UGGT1: variants seen among roughly 807,000 people sequenced by gnomAD.
The protein encoded by UGGT1 is UDP-glucose:glycoprotein glucosyltransferase 1.
UGGT1 carries 107 observed loss-of-function variants against 203.9 expected under a neutral mutation model. The ratio of observed to expected loss-of-function variants is 0.52; its 90% CI spans 0.45 to 0.62. UGGT1 has a LOEUF of 0.62. Ranked by LOEUF, UGGT1 falls within the 20% of genes least tolerant of loss-of-function variation. UGGT1 has a pLI of 0.00. For synonymous variants in UGGT1, 628 were observed against 653.5 expected (o/e 0.96, Z 0.59); for missense variants, 1,673 against 1,867.2 (o/e 0.90, Z 1.92).
intron 38 of UGGT1, among the ~76,000 whole-genome samples, chr2:128,184,709 C>G (rs1691883081): frequency 1.3e-5 from 2 of 152,170 alleles, no homozygotes; most frequent in South Asian, 4.1e-4. Context: ...CAGAATCTCA[C>G]TCTGTTTCCC....
intron 18 of UGGT1, among the ~76,000 whole-genome samples, chr2:128,147,592 C>G (rs375342576): frequency 8.6e-5 from 13 of 151,594 alleles, no homozygotes; most frequent in African/African-American, 3.1e-4. Flanking sequence ...ATACACCATA[C>G]TTTTTTCTTT....
Position 128,180,828 on chromosome 2 carries a change from T to G in UGGT1, c.3901-62T>G, listed in dbSNP as rs185872328. 11 of 1,519,808 alleles carry G rather than the reference T, an allele frequency of 7.2e-6. No individual in the cohort carries two copies. In the East Asian group the frequency reaches 2.3e-4, roughly 32 times the overall value. 94.1% of individuals were successfully genotyped at this position (1,519,808 alleles called of 1,614,324 possible). On this transcript the variant is annotated intron_variant, in intron 35 of 40. Coordinates refer to ENST00000259253, the MANE Select transcript of UGGT1 (RefSeq NM_020120.4). ...CCGTATCATGGTGGTTGGCTTACAT[T>G]ATGAAAGCAGTTTTCTTAATCAGAA...
At chr2:128,112,875 G>T (rs1019735272) in intron 5 of UGGT1, among the ~76,000 whole-genome samples, 2 of 151,950 alleles carry the variant, frequency 1.3e-5, no homozygotes, top group African/African-American at 4.8e-5. Context: ...TTTTTATAAT[G>T]TACTTTTGTT....
At chr2:128,157,567 G>GAAA (rs946734378) in intron 22 of UGGT1, among the ~76,000 whole-genome samples, 4 of 152,110 alleles carry the variant, frequency 2.6e-5, no homozygotes, top group African/African-American at 2.4e-5. Context: ...TTCTTATAGA[G>GAAA]AAAAAAATAA....
chr2:128,148,598 C>A (rs1302177342), intron 18 of UGGT1, among the ~76,000 whole-genome samples: 1 of 152,184 alleles, frequency 6.6e-6, no homozygotes, highest in Non-Finnish European at 1.5e-5. Context: ...TCCATTTTTG[C>A]TTGCACAGAG....
At chr2:128,145,125 A>G (rs959776861) in intron 17 of UGGT1, among the ~76,000 whole-genome samples, 1 of 152,046 alleles carries the variant, frequency 6.6e-6, no homozygotes, top group African/African-American at 2.4e-5. Context: ...TTCCCCACAA[A>G]CCTTGTTTTG....
intron 18 of UGGT1, among the ~76,000 whole-genome samples, chr2:128,147,633 C>T (rs1487694865): frequency 1.3e-5 from 2 of 150,564 alleles, no homozygotes; most frequent in Non-Finnish European, 2.9e-5. Flanking sequence ...GTTTCTGATA[C>T]AGGGTCTCGC....
intron 16 of UGGT1, among the ~76,000 whole-genome samples, chr2:128,141,648 T>C (rs1441459632): frequency 6.7e-6 from 1 of 149,808 alleles, no homozygotes; most frequent in Non-Finnish European, 1.5e-5. Context: ...GCAGGCACCA[T>C]GTCTCAGCCT....
At chr2:128,112,454 T>TTATACATATATATATA (rs1553433489) in intron 5 of UGGT1, among the ~76,000 whole-genome samples, 4 of 55,810 alleles carry the variant, frequency 7.2e-5, no homozygotes, top group Non-Finnish European at 1.5e-4. Context: ...AAATACTATG[T>TTATACATATATATATA]TATATATATA....
chr2:128,165,874 A>G (rs1359155769), intron 26 of UGGT1, among the ~76,000 whole-genome samples: 3 of 151,832 alleles, frequency 2.0e-5, no homozygotes, highest in Non-Finnish European at 4.4e-5. Context: ...TGATCTTCCT[A>G]CCTCAACCTC....
intron 35 of UGGT1, among the ~76,000 whole-genome samples, chr2:128,180,132 G>A (rs1429298918): frequency 6.6e-6 from 1 of 152,164 alleles, no homozygotes. Context: ...CTGAGATAAC[G>A]TTTCCTTCCT....
chr2:128,093,318 A>G (rs1573478341), intron 1 of UGGT1, among the ~76,000 whole-genome samples: 1 of 151,436 alleles, frequency 6.6e-6, no homozygotes, highest in East Asian at 2.0e-4. Flanking sequence ...TTGGTGCCAC[A>G]CTCCTTTCCT....
At chr2:128,185,469 C>G (rs1252302863) in intron 38 of UGGT1, among the ~76,000 whole-genome samples, 1 of 113,410 alleles carries the variant, frequency 8.8e-6, no homozygotes, top group African/African-American at 4.3e-5. Context: ...CGTGCCCGGC[C>G]TTTTTTTTTT....
intron 19 of UGGT1, among the ~76,000 whole-genome samples, chr2:128,153,421 G>A (rs1437660048): frequency 1.3e-5 from 2 of 151,936 alleles, no homozygotes; most frequent in African/African-American, 4.8e-5. Flanking sequence ...ACCCCACAAA[G>A]TTTGTGCAGT....
chr2:128,150,668 C>CCTT (rs35557445), intron 18 of UGGT1, among the ~76,000 whole-genome samples: 1 of 136,698 alleles, frequency 7.3e-6, no homozygotes, highest in Non-Finnish European at 1.5e-5. Flanking sequence ...TAATTAATAA[C>CCTT]TTTTTTTTTT....
chr2:128,127,157 T>G (rs2105408101), intron 11 of UGGT1, among the ~76,000 whole-genome samples: 1 of 152,338 alleles, frequency 6.6e-6, no homozygotes, highest in South Asian at 2.1e-4. Flanking sequence ...CATATTTTTG[T>G]GGTGTACAAC....
Position 128,190,076 on chromosome 2 carries a change from G to C in UGGT1, c.*334G>C, listed in dbSNP as rs567135924. The C allele has an allele frequency of 4.4e-6, 1 of 227,554 alleles. No homozygotes were observed. The highest frequency in any genetic ancestry group is 8.8e-6 in the Non-Finnish European group (1 of 113,610). 14.1% of individuals were successfully genotyped at this position (227,554 alleles called of 1,614,324 possible). A position where few individuals can be genotyped will look rare whatever the true frequency, so the allele number is the denominator to read the frequency against. On this transcript the variant is annotated 3_prime_UTR_variant, in exon 41 of 41. Transcript: ENST00000259253. Reference sequence around the variant, plus strand: ...CCACACCCAAGAGCACACACATGCTGCACTGTCTCGGAAAGCAGGGCCAGC... The same window carrying C: ...CCACACCCAAGAGCACACACATGCTCCACTGTCTCGGAAAGCAGGGCCAGC...
In UGGT1 at chr2:128,138,771, T is replaced by A; in HGVS notation, c.1638T>A (p.Asp546Glu). 2 of 1,614,220 alleles carry A rather than the reference T, an allele frequency of 1.2e-6. No individual in the cohort carries two copies. Among genetic ancestry groups the A allele is most frequent in the Non-Finnish European group, 1.7e-6 (2 of 1,180,046 alleles). ...CTGAAGATGTTGATGGGATGCAAGA[T>A]GCTGGAGTGGCTGTTCTTAGAGCAT... ...NDSEDVDGMQ[D>E]AGVAVLRAYN... is the part of the protein sequence containing the mutation. The change falls in exon 16 of 41, where the codon GAT becomes GAA. Residue 546 changes from aspartate to glutamate, a missense_variant. Around this residue, in one of 4 missense-constraint regions of UGGT1, gnomAD observed 1,073 missense variants for 1,078.7 expected, o/e 0.99. Coordinates refer to ENST00000259253, the MANE Select transcript of UGGT1 (RefSeq NM_020120.4).
At chr2:128,146,863 G>T (rs1689714052) in intron 18 of UGGT1, among the ~76,000 whole-genome samples, 1 of 152,204 alleles carries the variant, frequency 6.6e-6, no homozygotes, top group Non-Finnish European at 1.5e-5. Flanking sequence ...CAGAGAACAG[G>T]ATGATATTGG....
Sources: gnomAD v4.1 joint callset for allele counts (sites outside exome capture counted in the v4.1 genomes callset) on GRCh38, gnomAD v4.1.1 for gene constraint, gnomAD v4.1.1 regional missense constraint, MANE v1.5 for transcripts, NCBI Gene and HGNC (gene_info 2026-07-23, HGNC 2026-07-21) for gene names.